Variants in GPC5 observed in about 807,000 individuals in gnomAD.
GPC5 encodes the protein glypican-5.
In GPC5, 47 loss-of-function variants were observed where a neutral mutation model predicts 53.9. The observed-to-expected ratio is 0.87, with a 90% confidence interval of 0.69 to 1.11. GPC5 has a LOEUF of 1.11. Among genes scored for constraint, GPC5 ranks in the 50% most tolerant of loss-of-function variants. GPC5 has a pLI of 0.00. For synonymous variants in GPC5, 286 were observed against 263.3 expected, an observed-to-expected ratio of 1.09 and a Z score of -0.84; for missense variants, 748 against 713.1, an observed-to-expected ratio of 1.05 and a Z score of -0.56.
At chr13:92,739,822 T>C (rs1036414988) in intron 7 of GPC5, among the ~76,000 whole-genome samples, 3 of 151,976 alleles carry the variant, frequency 2.0e-5, no homozygotes, top group Non-Finnish European at 4.4e-5. Flanking sequence ...TCTGGTCTAC[T>C]TTTCTGCTTC....
At chr13:91,652,457 T>G (rs73609977) in intron 2 of GPC5, among the ~76,000 whole-genome samples, 9,861 of 152,124 alleles carry the variant, frequency 0.065, 1,081 homozygotes, top group African/African-American at 0.22. Flanking sequence ...TACTACTCTT[T>G]CACTTTGGAG....
intron 7 of GPC5, among the ~76,000 whole-genome samples, chr13:92,201,333 A>G (rs969690649): frequency 6.6e-6 from 1 of 152,216 alleles, no homozygotes; most frequent in Non-Finnish European, 1.5e-5. Context: ...TATTTGATAC[A>G]TTGCTGTTGG....
At chr13:92,784,535 A>G (rs1460525795) in intron 7 of GPC5, among the ~76,000 whole-genome samples, 1 of 152,126 alleles carries the variant, frequency 6.6e-6, no homozygotes, top group African/African-American at 2.4e-5. Context: ...CTAAAAGGTC[A>G]CTTCATCTGT....
intron 7 of GPC5, among the ~76,000 whole-genome samples, chr13:92,155,364 G>A (rs2041936172): frequency 1.3e-5 from 2 of 151,744 alleles, no homozygotes; most frequent in Admixed American, 1.3e-4. Flanking sequence ...TCCCCTCAGT[G>A]CACAATGATT....
At chr13:91,900,827 A>G (rs1406133426) in intron 5 of GPC5, among the ~76,000 whole-genome samples, 1 of 152,116 alleles carries the variant, frequency 6.6e-6, no homozygotes, top group Non-Finnish European at 1.5e-5. Flanking sequence ...GTGTGCAGTC[A>G]TTAGTTTTTC....
chr13:91,409,272 G>A (rs1877551327), intron 1 of GPC5, among the ~76,000 whole-genome samples: 1 of 152,074 alleles, frequency 6.6e-6, no homozygotes, highest in South Asian at 2.1e-4. Flanking sequence ...GGGGAAAAAA[G>A]TCATTTTTAA....
intron 2 of GPC5, among the ~76,000 whole-genome samples, chr13:91,466,441 T>A (rs1166166848): frequency 2.0e-5 from 3 of 152,180 alleles, no homozygotes; most frequent in African/African-American, 7.2e-5. Flanking sequence ...CGTTTTTATT[T>A]TTGTTTCAAC....
intron 7 of GPC5, among the ~76,000 whole-genome samples, chr13:92,714,663 G>C (rs1888265436): frequency 6.6e-6 from 1 of 152,176 alleles, no homozygotes; most frequent in Non-Finnish European, 1.5e-5. Flanking sequence ...TATTTCAATT[G>C]TGATAGTAAG....
At chr13:91,611,198 G>A (rs146589792) in intron 2 of GPC5, among the ~76,000 whole-genome samples, 6 of 152,222 alleles carry the variant, frequency 3.9e-5, no homozygotes, top group African/African-American at 1.4e-4. Context: ...TAGATTAGAC[G>A]ATTCAACAAA....
intron 7 of GPC5, among the ~76,000 whole-genome samples, chr13:92,671,703 A>G (rs1423028468): frequency 6.6e-6 from 1 of 152,230 alleles, no homozygotes; most frequent in Non-Finnish European, 1.5e-5. Flanking sequence ...TGTGGGAAAA[A>G]TAAGTAGGTA....
intron 7 of GPC5, among the ~76,000 whole-genome samples, chr13:92,618,066 T>C (rs960651211): frequency 2.0e-5 from 3 of 152,160 alleles, no homozygotes; most frequent in Non-Finnish European, 4.4e-5. Flanking sequence ...AATAAAAACT[T>C]GTCATGCAAA....
intron 7 of GPC5, among the ~76,000 whole-genome samples, chr13:92,466,200 A>AT (rs1172059728): frequency 6.6e-6 from 1 of 152,062 alleles, no homozygotes; most frequent in African/African-American, 2.4e-5. Context: ...ATATAAATAT[A>AT]GTAGTAATAG....
At chr13:91,585,952 GGAT>G (rs1173809814) in intron 2 of GPC5, among the ~76,000 whole-genome samples, 11 of 151,542 alleles carry the variant, frequency 7.3e-5, no homozygotes, top group African/African-American at 2.4e-4. Flanking sequence ...TGAGGGTAGT[GGAT>G]TATCAGAACT....
intron 2 of GPC5, among the ~76,000 whole-genome samples, chr13:91,464,678 C>T (rs148965480): frequency 1.7e-3 from 265 of 151,990 alleles, no homozygotes; most frequent in African/African-American, 6.1e-3. Flanking sequence ...GGGTTAGGGA[C>T]GGGAAGAGGG....
intron 7 of GPC5, among the ~76,000 whole-genome samples, chr13:92,736,804 C>T (rs1194439353): frequency 6.9e-6 from 1 of 144,464 alleles, no homozygotes; most frequent in Admixed American, 7.1e-5. Flanking sequence ...ATAGCTGTAG[C>T]CTATTTTTTT....
chr13:92,581,776 A>C (rs9523718), intron 7 of GPC5, among the ~76,000 whole-genome samples: 52,051 of 152,020 alleles, frequency 0.34, 9,528 homozygotes, highest in Non-Finnish European at 0.43. Flanking sequence ...GTGAGATGAT[A>C]CCTTAGTATG....
At chr13:91,647,205 T>C (rs1422756506) in intron 2 of GPC5, among the ~76,000 whole-genome samples, 1 of 151,882 alleles carries the variant, frequency 6.6e-6, no homozygotes, top group African/African-American at 2.4e-5. Context: ...CATTAATAAA[T>C]ATAATGTGCA....
intron 2 of GPC5, among the ~76,000 whole-genome samples, chr13:91,478,902 T>TATATATATATATATATATATACAC (rs201918417): frequency 3.3e-5 from 3 of 90,296 alleles, no homozygotes; most frequent in African/African-American, 1.8e-4. Context: ...TATATATATA[T>TATATATATATATATATATATACAC]GCACATATAT....
At chr13:91,975,799 C>T (rs1271550175) in intron 6 of GPC5, among the ~76,000 whole-genome samples, 1 of 152,162 alleles carries the variant, frequency 6.6e-6, no homozygotes, top group Admixed American at 6.5e-5. Flanking sequence ...ATAAATCATG[C>T]TGCTATAAAG....
Sources: allele counts gnomAD v4.1 joint callset (sites outside exome capture counted in the v4.1 genomes callset), GRCh38; gene constraint gnomAD v4.1.1; transcripts MANE v1.5; gene names NCBI Gene and HGNC (gene_info 2026-07-23, HGNC 2026-07-21).